KLRG1: variants seen among roughly 807,000 people sequenced by gnomAD.
The protein encoded by KLRG1 is killer cell lectin-like receptor subfamily G member 1.
A neutral mutation model predicts 21.8 loss-of-function variants in KLRG1; 16 were observed. That is an observed-to-expected ratio of 0.73 (90% CI 0.50 to 1.11). KLRG1 has a LOEUF of 1.11. Ranked by LOEUF, KLRG1 falls within the 50% of genes most tolerant of loss-of-function variation. The probability of loss-of-function intolerance (pLI) is 0.00; values close to 1 mark genes in which losing one functional copy is unlikely to be tolerated. For synonymous variants in KLRG1, 69 were observed against 75.9 expected, an observed-to-expected ratio of 0.91 and a Z score of 0.47; for missense variants, 173 against 218.3, an observed-to-expected ratio of 0.79 and a Z score of 1.31.
At chr12:9,165,965 T>C in the KLRG1 span, 3 of 1,481,100 alleles carry the variant, frequency 2.0e-6, no homozygotes, top group Non-Finnish European at 2.7e-6. Context: ...ATTCAGAACT[T>C]TTCAGGAAGA....
the KLRG1 span, among the ~76,000 whole-genome samples, chr12:9,087,966 A>T: frequency 1.3e-5 from 2 of 152,158 alleles, no homozygotes; most frequent in Non-Finnish European, 2.9e-5. Flanking sequence ...AAAAACCAAT[A>T]TAGGAAGACT....
the KLRG1 span, chr12:9,064,944 T>C: frequency 2.0e-5 from 3 of 152,120 alleles, no homozygotes; most frequent in African/African-American, 4.8e-5. The surrounding 1 kb of genome is among the most constrained non-coding windows in gnomAD (Gnocchi z 4.0). Context: ...GGCACTGGGG[T>C]GACCGCCGAG....
the KLRG1 span, among the ~76,000 whole-genome samples, chr12:9,129,303 C>A: frequency 6.6e-6 from 1 of 152,026 alleles, no homozygotes. Flanking sequence ...CATATAAATT[C>A]TGTTGGTGAC....
intron 3 of KLRG1, among the ~76,000 whole-genome samples, chr12:8,999,681 G>A (rs1160711436): frequency 2.0e-5 from 3 of 152,086 alleles, no homozygotes; most frequent in Admixed American, 6.6e-5. Context: ...CTAGCTATGC[G>A]AACTTCAACA....
At chr12:9,107,375 A>C in the KLRG1 span, 1 of 941,254 alleles carries the variant, frequency 1.1e-6, no homozygotes, top group South Asian at 1.8e-5. Context: ...CATTGTGCTA[A>C]GTTCATGATT....
At chr12:8,957,473 T>C (rs1170865495) in intron 1 of KLRG1, among the ~76,000 whole-genome samples, 2 of 152,244 alleles carry the variant, frequency 1.3e-5, no homozygotes, top group African/African-American at 4.8e-5. Flanking sequence ...ATTCTTACCA[T>C]AGATGTTAGC....
chr12:8,991,728 G>T (rs866407560), intron 1 of KLRG1, among the ~76,000 whole-genome samples: 138 of 152,128 alleles, frequency 9.1e-4, no homozygotes, highest in African/African-American at 3.2e-3. Context: ...TATTTGACTG[G>T]CCTTTTACTG....
the KLRG1 span, among the ~76,000 whole-genome samples, chr12:9,096,630 A>G: frequency 6.6e-6 from 1 of 152,256 alleles, no homozygotes; most frequent in Non-Finnish European, 1.5e-5. Flanking sequence ...TAAGACAGAC[A>G]TAAAAATTGT....
the KLRG1 span, among the ~76,000 whole-genome samples, chr12:9,044,874 A>G: frequency 2.0e-5 from 3 of 152,348 alleles, no homozygotes; most frequent in East Asian, 5.8e-4. Context: ...TAATTATCAC[A>G]TAGGCTGATA....
the KLRG1 span, chr12:9,068,336 A>G: frequency 5.6e-6 from 6 of 1,075,652 alleles, no homozygotes; most frequent in Non-Finnish European, 8.1e-6. Flanking sequence ...GAAGAACAGT[A>G]TTGTACCAGA....
the KLRG1 span, chr12:9,037,028 AT>A: frequency 5.5e-6 from 1 of 181,278 alleles, no homozygotes; most frequent in Non-Finnish European, 1.2e-5. Context: ...AACTGCACTC[AT>A]TTTGTCTTGC....
At chr12:9,194,697 C>G in the KLRG1 span, among the ~76,000 whole-genome samples, 7 of 152,190 alleles carry the variant, frequency 4.6e-5, no homozygotes, top group East Asian at 1.4e-3. Flanking sequence ...ATCGCCTGAC[C>G]TCGTGATCTG....
chr12:9,079,465 C>A, the KLRG1 span: 173 of 1,140,930 alleles, frequency 1.5e-4, no homozygotes, highest in African/African-American at 2.5e-3. Flanking sequence ...GTTTCTGAGC[C>A]TTAAATATTT....
At chr12:9,065,403 C>A in the KLRG1 span, among the ~76,000 whole-genome samples, 6 of 152,160 alleles carry the variant, frequency 3.9e-5, no homozygotes, top group African/African-American at 1.2e-4. Flanking sequence ...TGCCTGGCTT[C>A]TCTCCACTGT....
Position 8,977,423 on chromosome 12 carries a change from C to G in KLRG1, c.-155-14783C>G, listed in dbSNP as rs191515243. 5.9e-3 allele frequency among the ~76,000 whole-genome samples: 861 copies of G among 145,040 alleles called. 8 individuals are homozygous for G. Among genetic ancestry groups the G allele is most frequent in the African/African-American group, 0.021 (831 of 39,880 alleles). ...TAGAGACAGGGTTTCACCATGTTAGCCAGGATGGTCTCGATCTCCTGACCT... is the reference window on the plus strand; with the variant it reads ...TAGAGACAGGGTTTCACCATGTTAGGCAGGATGGTCTCGATCTCCTGACCT... On this transcript the variant is annotated intron_variant, in intron 1 of 4. Coordinates refer to the KLRG1 transcript ENST00000539240.
chr12:9,001,418 C>T (rs932925067), intron 3 of KLRG1, among the ~76,000 whole-genome samples: 9 of 152,116 alleles, frequency 5.9e-5, no homozygotes, highest in East Asian at 1.9e-4. Flanking sequence ...CTCTGTGACC[C>T]GCCCAGCTAC....
chr12:9,198,768 A>C, the KLRG1 span, among the ~76,000 whole-genome samples: 2 of 152,214 alleles, frequency 1.3e-5, no homozygotes, highest in African/African-American at 4.8e-5. Context: ...AAAAGATAGA[A>C]TCAAAGCAGC....
chr12:9,014,059 G>A (rs935581984), downstream of KLRG1, among the ~76,000 whole-genome samples: 1 of 151,988 alleles, frequency 6.6e-6, no homozygotes, highest in African/African-American at 2.4e-5. Flanking sequence ...AAATATACAG[G>A]CAGAGGAGAC....
At chr12:9,055,208 G>A in the KLRG1 span, among the ~76,000 whole-genome samples, 2 of 151,768 alleles carry the variant, frequency 1.3e-5, no homozygotes, top group African/African-American at 4.9e-5. Context: ...TTAATTAATT[G>A]ATTGATTGAT....
Sources: allele counts gnomAD v4.1 joint callset (sites outside exome capture counted in the v4.1 genomes callset), GRCh38; gene constraint gnomAD v4.1.1; non-coding constraint Gnocchi (gnomAD v3.1); transcripts MANE v1.5; gene names NCBI Gene and HGNC (gene_info 2026-07-23, HGNC 2026-07-21).